MAGI3: variants seen among roughly 807,000 people sequenced by gnomAD.
The protein encoded by MAGI3 is membrane-associated guanylate kinase, WW and PDZ domain-containing protein 3.
Under a neutral mutation model 121.8 loss-of-function variants are expected in MAGI3, and 43 were observed. The ratio of observed to expected loss-of-function variants is 0.35; its 90% CI spans 0.28 to 0.46. The LOEUF (loss-of-function observed/expected upper bound fraction) is 0.46. Ranked by LOEUF, MAGI3 falls within the 20% of genes least tolerant of loss-of-function variation. The probability of loss-of-function intolerance (pLI) is 1.00; values close to 1 mark genes in which losing one functional copy is unlikely to be tolerated. For missense variants in MAGI3, 1,547 were observed against 1,797.3 expected (o/e 0.86, Z 2.52); for synonymous variants, 553 against 639.3 (o/e 0.86, Z 2.04).
rs887635771 is a variant in MAGI3, at chr1:113,520,174, A to AT, written c.317-29330dup. On this transcript the variant is annotated intron_variant, in intron 1 of 20. Coordinates refer to ENST00000307546, the MANE Select transcript of MAGI3 (RefSeq NM_001142782.2). ...CATGTTAACTTTTGGAACAGATGCTATTTTTTTTTTTAAATAGAAATAAAA... is the reference window on the plus strand; with the variant it reads ...CATGTTAACTTTTGGAACAGATGCTATTTTTTTTTTTTAAATAGAAATAAAA... Among the ~76,000 whole-genome samples the AT allele has an allele frequency of 1.4e-3, 208 of 148,426 alleles. 1 individual carries two copies. The East Asian group carries it at 0.025, about 18-fold the overall frequency.
chr1:113,643,913 T>C, intron 11 of MAGI3, 139 bp downstream of exon 11: 1 of 895,084 alleles, frequency 1.1e-6, no homozygotes, highest in Non-Finnish European at 1.8e-6. Flanking sequence ...GGCTTGTATT[T>C]ATTAGAAACT....
At chr1:113,465,739 A>G (rs1449740812) in intron 1 of MAGI3, among the ~76,000 whole-genome samples, 1 of 151,630 alleles carries the variant, frequency 6.6e-6, no homozygotes, top group Non-Finnish European at 1.5e-5. Context: ...GATTCCCAGG[A>G]TTTTATATTC....
chr1:113,428,682 T>C (rs1477351873), intron 1 of MAGI3, among the ~76,000 whole-genome samples: 1 of 152,244 alleles, frequency 6.6e-6, no homozygotes, highest in African/African-American at 2.4e-5. Context: ...AGGAAATTAT[T>C]AATGAGATAT....
At chr1:113,433,254 G>T (rs961113341) in intron 1 of MAGI3, among the ~76,000 whole-genome samples, 1 of 152,028 alleles carries the variant, frequency 6.6e-6, no homozygotes, top group African/African-American at 2.4e-5. Flanking sequence ...CTACCTTCAG[G>T]TACTACTGGG....
intron 1 of MAGI3, among the ~76,000 whole-genome samples, chr1:113,518,657 T>C (rs1658040661): frequency 6.6e-6 from 1 of 152,130 alleles, no homozygotes. Flanking sequence ...GCCTATTCTT[T>C]CTATAGCTAA....
At chr1:113,633,308 C>A (rs1402571055) in intron 9 of MAGI3, among the ~76,000 whole-genome samples, 2 of 107,520 alleles carry the variant, frequency 1.9e-5, no homozygotes, top group Non-Finnish European at 3.4e-5. Context: ...GTCGCCCAGG[C>A]TGGAGTGCAG....
At chr1:113,513,955 G>T (rs986292728) in intron 1 of MAGI3, among the ~76,000 whole-genome samples, 6 of 151,868 alleles carry the variant, frequency 4.0e-5, no homozygotes, top group Non-Finnish European at 8.8e-5. Context: ...CCATCAAAAA[G>T]TGGGTGAAGG....
chr1:113,526,327 TAG>T (rs1658446710), intron 1 of MAGI3, among the ~76,000 whole-genome samples: 1 of 152,102 alleles, frequency 6.6e-6, no homozygotes, highest in South Asian at 2.1e-4. Context: ...ACTGGGAGAT[TAG>T]AGAGACCTCT....
intron 1 of MAGI3, among the ~76,000 whole-genome samples, chr1:113,428,399 C>G (rs1653127288): frequency 6.6e-6 from 1 of 152,128 alleles, no homozygotes; most frequent in African/African-American, 2.4e-5. Context: ...ACATCCTTTG[C>G]TCACCACATT....
chr1:113,547,261 C>T (rs1483968939), intron 1 of MAGI3, among the ~76,000 whole-genome samples: 8 of 150,740 alleles, frequency 5.3e-5, no homozygotes, highest in African/African-American at 1.7e-4. Context: ...TATCTTTGTA[C>T]GTTATACCAT....
At chr1:113,392,634 A>T (rs1283882913) in intron 1 of MAGI3, among the ~76,000 whole-genome samples, 1 of 152,196 alleles carries the variant, frequency 6.6e-6, no homozygotes, top group African/African-American at 2.4e-5. Context: ...TTTTCTTTCT[A>T]TAGCGTATTC....
chr1:113,484,591 A>G lies in MAGI3; in HGVS notation c.317-64924A>G, dbSNP rs563753231. ...AAATACCATTATTTCATTATTTTTT[A>G]TGGCTGAGCAGTGTTCTATTATATA... On this transcript the variant is annotated intron_variant, in intron 1 of 20. Transcript: ENST00000307546. 4.3e-4 allele frequency among the ~76,000 whole-genome samples: 65 copies of G among 150,092 alleles called. 1 individual carries two copies. Among genetic ancestry groups the G allele is most frequent in the East Asian group, 2.0e-4 (1 of 5,064 alleles).
At chr1:113,431,863 A>G (rs1348494398) in intron 1 of MAGI3, among the ~76,000 whole-genome samples, 3 of 152,164 alleles carry the variant, frequency 2.0e-5, no homozygotes, top group Non-Finnish European at 4.4e-5. Context: ...CTTATTTTAA[A>G]ATTTGCAGAG....
At chr1:113,674,600 A>T (rs563976510) in intron 19 of MAGI3, among the ~76,000 whole-genome samples, 4 of 152,160 alleles carry the variant, frequency 2.6e-5, no homozygotes, top group African/African-American at 9.6e-5. Flanking sequence ...AAACTAAGTA[A>T]TTCAATTAGA....
rs142998380 is a variant in MAGI3, at chr1:113,651,069, G to A, written c.2303G>A (p.Arg768His). 3.1e-3 allele frequency: 4,996 copies of A among 1,614,086 alleles called. 14 individuals are homozygous for A. The highest frequency in any genetic ancestry group is 3.9e-3 in the Non-Finnish European group (4,603 of 1,179,992). ...LGAAEKDGRL[R>H]AADELMCIDG... ...GCAGCTGAGAAAGATGGTCGGCTCCGCGCAGCTGATGAACTAATGTGCATT... is the reference window on the plus strand; with the variant it reads ...GCAGCTGAGAAAGATGGTCGGCTCCACGCAGCTGATGAACTAATGTGCATT... The change falls in exon 14 of 21, where the codon CGC becomes CAC. Residue 768 changes from arginine to histidine, a missense_variant. Coordinates refer to ENST00000307546, the MANE Select transcript of MAGI3 (RefSeq NM_001142782.2).
At chr1:113,605,789 G>A (rs866055148) in intron 6 of MAGI3, among the ~76,000 whole-genome samples, 7 of 151,850 alleles carry the variant, frequency 4.6e-5, no homozygotes, top group South Asian at 2.1e-4. Flanking sequence ...TAGTAGAGAC[G>A]GGGTTTCACC....
Position 113,683,817 on chromosome 1 carries a change from G to T in MAGI3, c.4249G>T (p.Glu1417Ter). The change falls in exon 21 of 21, where the codon GAG (glutamate) becomes TAG (stop). Residue 1417 changes from glutamate to a stop codon, truncating the protein, a stop_gained. Transcript: ENST00000307546. LOFTEE classifies it low-confidence loss of function (END_TRUNC). ...SEKRLKQEPEEKVVSNKTEDH... is the reference protein window; with the variant it reads ...SEKRLKQEPE ...AAAGAGGCTGAAGCAAGAACCTGAA[G>T]AGAAGGTAGTTTCAAACAAAACAGA... The T allele has an allele frequency of 6.2e-7, 1 of 1,611,034 alleles. No individual in the cohort carries two copies. The highest frequency in any genetic ancestry group is 8.5e-7 in the Non-Finnish European group (1 of 1,178,540).
At chr1:113,640,663 G>A (rs968852967) in intron 9 of MAGI3, among the ~76,000 whole-genome samples, 2 of 151,684 alleles carry the variant, frequency 1.3e-5, no homozygotes, top group Non-Finnish European at 2.9e-5. Context: ...CTTATAAGTG[G>A]GAGTTGAACA....
In MAGI3 at chr1:113,672,684, G is replaced by C. The variant is rs754672993; in HGVS notation, c.2988G>C (p.Lys996Asn). Reference protein sequence around the residue: ...TSYRHSWSDHKHLAQPDTAVI... With the variant: ...TSYRHSWSDHNHLAQPDTAVI... ...ACAGACATTCTTGGTCAGACCACAA[G>C]CACCTTGCACAGCCTGACACCGCAG... Residue 996 changes from lysine to asparagine, a missense_variant, in exon 18 of 21, where the codon AAG becomes AAC. Lys to Asn is a moderately conservative substitution (Grantham distance 94). Transcript: ENST00000307546. 2.8e-5 allele frequency: 45 copies of C among 1,613,920 alleles called. No homozygotes were observed. The highest frequency in any genetic ancestry group is 3.5e-5 in the Non-Finnish European group (41 of 1,179,972).
Sources: allele counts gnomAD v4.1 joint callset (sites outside exome capture counted in the v4.1 genomes callset), GRCh38; gene constraint gnomAD v4.1.1; transcripts MANE v1.5; gene names NCBI Gene and HGNC (gene_info 2026-07-23, HGNC 2026-07-21).